KCNQ1OT1: variants seen among roughly 807,000 people sequenced by gnomAD.
KCNQ1OT1 encodes the protein KCNQ1 opposite strand/antisense transcript 1, also known as KCNQ1 antisense RNA 2 (non-protein coding).
Position 2,671,318 on chromosome 11 carries a change from C to T in KCNQ1OT1, n.28677G>A. The T allele has an allele frequency of 5.0e-6, 2 of 398,612 alleles. No homozygotes were observed. Among genetic ancestry groups the T allele is most frequent in the Middle Eastern group, 6.3e-4 (1 of 1,588 alleles). The allele number at this position is 398,612 out of a possible 1,614,324, so 24.7% of individuals were successfully genotyped here. On this transcript the variant is annotated non_coding_transcript_exon_variant, in exon 1 of 1. Transcript: ENST00000597346. This position sits in a 1 kb window ranked among gnomAD's most constrained non-coding sequence, Gnocchi z 4.7. ...ATAAGTAATCTTTTCCCATGTGTGG[C>T]TGCAGCCTCAGAGGCTCCCTCTGAA...
exon 1 of KCNQ1OT1, chr11:2,672,775 C>G: frequency 2.5e-6 from 1 of 398,780 alleles, no homozygotes. Context: ...GTCTCCTCCC[C>G]GCAACAGATC....
At position 2,646,041 on chromosome 11, in the gene KCNQ1OT1, G is replaced by A. The variant is rs576731959; in HGVS notation, n.53954C>T. On this transcript the variant is annotated non_coding_transcript_exon_variant, in exon 1 of 1. Transcript: ENST00000597346. ...TCACTTACTTACCTTTCTGCACATCGAGGAGTCTCTTCATGATCCCAGCCA... is the reference window on the plus strand; with the variant it reads ...TCACTTACTTACCTTTCTGCACATCAAGGAGTCTCTTCATGATCCCAGCCA... 7.9e-4 allele frequency: 315 copies of A among 398,494 alleles called. No homozygotes were observed. Among genetic ancestry groups the A allele is most frequent in the Non-Finnish European group, 1.1e-3 (240 of 226,100 alleles). The allele number at this position is 398,494 out of a possible 1,614,324, so 24.7% of individuals were successfully genotyped here. A position where few individuals can be genotyped will look rare whatever the true frequency, so the allele number is the denominator to read the frequency against.
exon 1 of KCNQ1OT1, chr11:2,610,067 T>A (rs571230056): frequency 2.5e-6 from 1 of 398,000 alleles, no homozygotes; most frequent in South Asian, 1.3e-4. Context: ...GTCTTTTCTA[T>A]GTACTATTTC....
At chr11:2,629,120 C>A (rs1258344515) in exon 1 of KCNQ1OT1, 1 of 397,778 alleles carries the variant, frequency 2.5e-6, no homozygotes, top group Admixed American at 4.4e-5. Flanking sequence ...TTGTCTATAT[C>A]TGTGAAAAAA....
In KCNQ1OT1 at chr11:2,668,295, A is replaced by T. The variant is rs1850119534; in HGVS notation, n.31700T>A. On this transcript the variant is annotated non_coding_transcript_exon_variant, in exon 1 of 1. Coordinates refer to ENST00000597346, the Ensembl canonical transcript of KCNQ1OT1. The surrounding 1 kb of genome is among the most constrained non-coding windows in gnomAD (Gnocchi z 4.3). ...TCTGTACATGCTTTTGGTGAGCATC[A>T]GGTTGCGTTTCTGGGGAATATATGC... 3 of 398,506 alleles carry T rather than the reference A, an allele frequency of 7.5e-6. No individual in the cohort carries two copies. The highest frequency in any genetic ancestry group is 2.5e-4 in the South Asian group (2 of 7,860). 24.7% of individuals were successfully genotyped at this position (398,506 alleles called of 1,614,324 possible).
At position 2,658,561 on chromosome 11, in the gene KCNQ1OT1, A is replaced by G. The variant is rs961817525; in HGVS notation, n.41434T>C. On this transcript the variant is annotated non_coding_transcript_exon_variant, in exon 1 of 1. Coordinates refer to ENST00000597346, the Ensembl canonical transcript of KCNQ1OT1. The surrounding 1 kb of genome is among the most constrained non-coding windows in gnomAD (Gnocchi z 4.9). ...TTTTCCCTACCCTAGCCCTAGAATC[A>G]TCCATTCATCCAGAGAGCCCTGGCT... is the stretch of plus-strand genomic sequence containing the variant. The G allele has an allele frequency of 1.4e-5, 5 of 356,562 alleles. No homozygotes were observed. The highest frequency in any genetic ancestry group is 1.2e-4 in the African/African-American group (5 of 40,738). The allele number at this position is 356,562 out of a possible 1,614,324, so 22.1% of individuals were successfully genotyped here. A position where few individuals can be genotyped will look rare whatever the true frequency, so the allele number is the denominator to read the frequency against.
At chr11:2,680,158 C>T (rs904365313) in exon 1 of KCNQ1OT1, 78 of 392,524 alleles carry the variant, frequency 2.0e-4, no homozygotes, top group Non-Finnish European at 3.4e-4. Flanking sequence ...TCCTAAAGTG[C>T]TGGGATTACG....
rs1404028061 is a variant in KCNQ1OT1, at chr11:2,673,739, G to C, written n.26256C>G. ...GGCTTGGAAGGCCCAGACTGGACAG[G>C]GGAAGGGGTACAGTCCCTTCTTGCT... is the stretch of plus-strand genomic sequence containing the variant. On this transcript the variant is annotated non_coding_transcript_exon_variant, in exon 1 of 1. Coordinates refer to ENST00000597346, the Ensembl canonical transcript of KCNQ1OT1. This position sits in a 1 kb window ranked among gnomAD's most constrained non-coding sequence, Gnocchi z 4.5. 2.5e-6 allele frequency: 1 copy of C among 398,582 alleles called. No individual in the cohort carries two copies. 24.7% of individuals were successfully genotyped at this position (398,582 alleles called of 1,614,324 possible).
In KCNQ1OT1 at chr11:2,664,479, CT is replaced by C; in HGVS notation, n.35515del. On this transcript the variant is annotated non_coding_transcript_exon_variant, in exon 1 of 1. Coordinates refer to ENST00000597346, the Ensembl canonical transcript of KCNQ1OT1. The surrounding 1 kb of genome is among the most constrained non-coding windows in gnomAD (Gnocchi z 5.1). ...AGGCTGGGTAGAGGCCCCACTCCATCTGGGGGAGAAGGCTGGCAGCAGTGGG... is the reference window on the plus strand; with the variant it reads ...AGGCTGGGTAGAGGCCCCACTCCATCGGGGGAGAAGGCTGGCAGCAGTGGG... 2.5e-6 allele frequency: 1 copy of C among 398,784 alleles called. No homozygotes were observed. The highest frequency in any genetic ancestry group is 4.4e-6 in the Non-Finnish European group (1 of 226,168). 24.7% of individuals were successfully genotyped at this position (398,784 alleles called of 1,614,324 possible).
chr11:2,621,447 C>A lies in KCNQ1OT1; in HGVS notation n.78548G>T, dbSNP rs1232650167. ...TTCCTTATGGATTCTGGACATAGGA[C>A]CTTTGCCAGATGAATAGTTTGCAAA... On this transcript the variant is annotated non_coding_transcript_exon_variant, in exon 1 of 1. Coordinates refer to ENST00000597346, the Ensembl canonical transcript of KCNQ1OT1. The surrounding 1 kb of genome is among the most constrained non-coding windows in gnomAD (Gnocchi z 5.7). 5.0e-6 allele frequency: 2 copies of A among 398,558 alleles called. No individual in the cohort carries two copies. The highest frequency in any genetic ancestry group is 4.1e-5 in the African/African-American group (2 of 48,708). 24.7% of individuals were successfully genotyped at this position (398,558 alleles called of 1,614,324 possible). A position where few individuals can be genotyped will look rare whatever the true frequency, so the allele number is the denominator to read the frequency against.
exon 1 of KCNQ1OT1, chr11:2,618,792 A>T: frequency 5.0e-6 from 2 of 398,364 alleles, no homozygotes; most frequent in Non-Finnish European, 8.9e-6. Flanking sequence ...CATTTTAACA[A>T]TATTATTCAG....
chr11:2,639,567 C>G (rs2133827158), exon 1 of KCNQ1OT1: 1 of 152,678 alleles, frequency 6.5e-6, no homozygotes, highest in Middle Eastern at 3.4e-3. Flanking sequence ...GATTGTTCCT[C>G]TGGAAGCTTC....
At chr11:2,618,978 T>C (rs1849117826) in exon 1 of KCNQ1OT1, 2 of 398,376 alleles carry the variant, frequency 5.0e-6, no homozygotes, top group East Asian at 7.1e-5. Flanking sequence ...TTTGGCCAGG[T>C]CATTATTTGT....
Position 2,612,418 on chromosome 11 carries a change from C to G in KCNQ1OT1, n.87577G>C, listed in dbSNP as rs984948967. ...CTATATTATGGTATCCAATGGGTAT[C>G]TCTTCATTTTTCTTCATTATTTTTC... On this transcript the variant is annotated non_coding_transcript_exon_variant, in exon 1 of 1. Coordinates refer to ENST00000597346, the Ensembl canonical transcript of KCNQ1OT1. This position sits in a 1 kb window ranked among gnomAD's most constrained non-coding sequence, Gnocchi z 5.5. The G allele has an allele frequency of 2.5e-6, 1 of 398,556 alleles. No individual in the cohort carries two copies. The highest frequency in any genetic ancestry group is 4.4e-6 in the Non-Finnish European group (1 of 226,058). The allele number at this position is 398,556 out of a possible 1,614,324, so 24.7% of individuals were successfully genotyped here. A position where few individuals can be genotyped will look rare whatever the true frequency, so the allele number is the denominator to read the frequency against.
At chr11:2,646,869 T>G (rs1849674112) in exon 1 of KCNQ1OT1, 1 of 398,560 alleles carries the variant, frequency 2.5e-6, no homozygotes. Flanking sequence ...TGAATTCCTT[T>G]ACCAGTTCTA....
exon 1 of KCNQ1OT1, chr11:2,656,630 T>C (rs2133849569): frequency 2.5e-6 from 1 of 398,676 alleles, no homozygotes; most frequent in East Asian, 3.6e-5. Flanking sequence ...AAGTCATTTA[T>C]ATTTTTCCTA....
At chr11:2,618,589 T>C (rs1849110069) in exon 1 of KCNQ1OT1, 10 of 398,502 alleles carry the variant, frequency 2.5e-5, no homozygotes, top group Non-Finnish European at 4.0e-5. Context: ...GACCATACTG[T>C]TTGATCAATA....
exon 1 of KCNQ1OT1, chr11:2,675,114 G>A (rs1850269458): frequency 5.0e-6 from 2 of 398,496 alleles, no homozygotes; most frequent in Non-Finnish European, 8.8e-6. Context: ...CCTGAAGGTG[G>A]GTTCACTAGC....
At chr11:2,641,069 T>C (rs1336133535) in exon 1 of KCNQ1OT1, 9 of 398,438 alleles carry the variant, frequency 2.3e-5, no homozygotes, top group Non-Finnish European at 4.0e-5. Flanking sequence ...TATCCACTGA[T>C]GTACACTTAG....
Sources: gnomAD v4.1 joint callset for allele counts on GRCh38, gnomAD v4.1.1 for gene constraint, Gnocchi (gnomAD v3.1) non-coding constraint, MANE v1.5 for transcripts, NCBI Gene and HGNC (gene_info 2026-07-23, HGNC 2026-07-21) for gene names.